The following RBM26 variants were observed in gnomAD, a reference collection of about 807,000 sequenced individuals.
RBM26 encodes the protein RNA-binding protein 26.
Under a neutral mutation model 123.6 loss-of-function variants are expected in RBM26, and 30 were observed. The observed-to-expected ratio is 0.24, with a 90% CI of 0.18 to 0.33. The LOEUF (loss-of-function observed/expected upper bound fraction) is 0.33, where lower values mean the gene tolerates loss of function less well. RBM26 is among the 10% of genes least tolerant of loss of function. The pLI is 1.00. For missense variants in RBM26, 947 were observed against 1,203.6 expected (o/e 0.79, Z 3.15); for synonymous variants, 400 against 404.4 (o/e 0.99, Z 0.13).
chr13:79,320,745 A>G (rs765988467), intron 21 of RBM26, 35 bp from the exon 22 acceptor site: 1 of 1,300,822 alleles, frequency 7.7e-7, no homozygotes, highest in Admixed American at 2.6e-5. Flanking sequence ...ATTTACCCAA[A>G]AAAAAAAAAA....
chr13:79,372,836 A>T lies in RBM26; in HGVS notation c.328-906T>A, dbSNP rs1445617737. ...ATATTTATAATAAATATTTTATATA[A>T]ATATATTATATATTATATAAATATA... On this transcript the variant is annotated intron_variant, in intron 3 of 21. Coordinates refer to ENST00000438737, the MANE Select transcript of RBM26 (RefSeq NM_001366735.2). Among the ~76,000 whole-genome samples the T allele has an allele frequency of 4.1e-4, 49 of 118,894 alleles. 2 individuals carry two copies. The highest frequency in any genetic ancestry group is 1.6e-3 in the African/African-American group (44 of 28,228). 78.0% of individuals were successfully genotyped at this position (118,894 alleles called of 152,430 possible). A position where few individuals can be genotyped will look rare whatever the true frequency, so the allele number is the denominator to read the frequency against.
chr13:79,376,157 TA>T (rs1400252798), intron 3 of RBM26: 1 of 152,088 alleles, frequency 6.6e-6, no homozygotes, highest in African/African-American at 2.4e-5. Context: ...TGCAGAAACA[TA>T]ATGGCTTGAC....
intron 16 of RBM26, 88 bp from the exon 17 acceptor site, chr13:79,342,919 A>G (rs2071657869): frequency 3.7e-6 from 3 of 805,070 alleles, no homozygotes; most frequent in South Asian, 2.1e-5. Flanking sequence ...TTAAAAATAA[A>G]TATTACTACT....
At chr13:79,388,973 A>G (rs556036989) in intron 1 of RBM26, among the ~76,000 whole-genome samples, 1 of 152,350 alleles carries the variant, frequency 6.6e-6, no homozygotes, top group East Asian at 1.9e-4. Flanking sequence ...GCTGAAGTAT[A>G]TATTAATGCT....
At chr13:79,367,827 A>G (rs1000290106) in intron 6 of RBM26, among the ~76,000 whole-genome samples, 12 of 152,246 alleles carry the variant, frequency 7.9e-5, no homozygotes, top group South Asian at 4.1e-4. Flanking sequence ...ACGTATACAT[A>G]CTAAAAAAAC....
At chr13:79,368,670 C>G (rs2075583511) in intron 6 of RBM26, 60 bp downstream of exon 6, 2 of 1,510,924 alleles carry the variant, frequency 1.3e-6, no homozygotes, top group Non-Finnish European at 1.8e-6. Flanking sequence ...AACATAAACA[C>G]AGAATTTAGG....
chr13:79,377,259 T>G, intron 3 of RBM26, 120 bp downstream of exon 3: 1 of 747,048 alleles, frequency 1.3e-6, no homozygotes, highest in Non-Finnish European at 2.2e-6. Flanking sequence ...CCTAGAAAAA[T>G]CATTTAAACT....
At chr13:79,326,872 T>C (rs898073292) in intron 20 of RBM26, among the ~76,000 whole-genome samples, 5 of 151,954 alleles carry the variant, frequency 3.3e-5, no homozygotes, top group Non-Finnish European at 4.4e-5. Context: ...GAAGAGACTT[T>C]AGTGATTTTT....
intron 20 of RBM26, among the ~76,000 whole-genome samples, chr13:79,326,652 A>G (rs1300417881): frequency 6.6e-6 from 1 of 152,168 alleles, no homozygotes; most frequent in Non-Finnish European, 1.5e-5. Context: ...TAATCATTAG[A>G]TACTGATAGT....
intron 20 of RBM26, among the ~76,000 whole-genome samples, chr13:79,328,543 T>C (rs890983737): frequency 7.3e-5 from 11 of 151,176 alleles, no homozygotes; most frequent in Non-Finnish European, 1.5e-4. Flanking sequence ...TTATCTCAGA[T>C]TGGTGAAAGC....
At chr13:79,395,839 T>C (rs2078512267) in intron 1 of RBM26, among the ~76,000 whole-genome samples, 1 of 152,006 alleles carries the variant, frequency 6.6e-6, no homozygotes, top group Non-Finnish European at 1.5e-5. Context: ...CATGAGATTT[T>C]CAGGATAATA....
At chr13:79,402,624 T>C (rs1382223688) in intron 1 of RBM26, among the ~76,000 whole-genome samples, 1 of 152,128 alleles carries the variant, frequency 6.6e-6, no homozygotes, top group African/African-American at 2.4e-5. Flanking sequence ...TTTCTTTCAA[T>C]TCCTCCAACA....
At chr13:79,352,731 G>A (rs545993456) in intron 14 of RBM26, among the ~76,000 whole-genome samples, 39 of 152,112 alleles carry the variant, frequency 2.6e-4, no homozygotes, top group African/African-American at 7.7e-4. Flanking sequence ...CCATTTTACC[G>A]ATGAGTAAAA....
chr13:79,370,609 T>C (rs1211419286), intron 5 of RBM26, among the ~76,000 whole-genome samples: 4 of 152,220 alleles, frequency 2.6e-5, no homozygotes, highest in African/African-American at 4.8e-5. Context: ...CAGTAAGAAG[T>C]AGAATAGCGG....
chr13:79,344,839 A>G, intron 14 of RBM26, 45 bp from the exon 15 acceptor site: 1 of 1,583,660 alleles, frequency 6.3e-7, no homozygotes, highest in Non-Finnish European at 8.6e-7. Flanking sequence ...TCAGCCGTTC[A>G]TGATATCCTA....
intron 14 of RBM26, among the ~76,000 whole-genome samples, chr13:79,347,263 G>GT (rs1228250699): frequency 2.6e-5 from 4 of 152,114 alleles, no homozygotes; most frequent in South Asian, 2.1e-4. Context: ...CTCAGTGACT[G>GT]TAAGACAAAC....
At chr13:79,354,252 C>A (rs2073680146) in intron 13 of RBM26, among the ~76,000 whole-genome samples, 187 bp downstream of exon 13, 1 of 149,410 alleles carries the variant, frequency 6.7e-6, no homozygotes, top group Non-Finnish European at 1.5e-5. Context: ...AAAGTAGAGA[C>A]TGAGAAAATG....
chr13:79,324,787 G>GA (rs1380372844), intron 20 of RBM26, among the ~76,000 whole-genome samples: 1 of 150,914 alleles, frequency 6.6e-6, no homozygotes, highest in East Asian at 1.9e-4. Flanking sequence ...ATTAAAAAAA[G>GA]AAAAAAAATT....
intron 3 of RBM26, chr13:79,376,720 G>A (rs1442917505): frequency 6.6e-6 from 1 of 152,116 alleles, no homozygotes; most frequent in African/African-American, 2.4e-5. Context: ...CAGACCAATT[G>A]TCAACCTAAT....
Sources: gnomAD v4.1 joint callset for allele counts (sites outside exome capture counted in the v4.1 genomes callset) on GRCh38, gnomAD v4.1.1 for gene constraint, MANE v1.5 for transcripts, NCBI Gene and HGNC (gene_info 2026-07-23, HGNC 2026-07-21) for gene names.